The following MS4A1 variants were observed in gnomAD, a reference collection of about 807,000 sequenced individuals.
MS4A1 encodes the protein membrane spanning 4-domains A1, also known as B-lymphocyte antigen CD20.
Under a neutral mutation model 26.5 loss-of-function variants are expected in MS4A1, and 16 were observed. The observed-to-expected ratio is 0.60, with a 90% CI of 0.41 to 0.92. The LOEUF (loss-of-function observed/expected upper bound fraction) is 0.92. MS4A1 is among the 40% of genes least tolerant of loss of function. The pLI is 0.00. For synonymous variants in MS4A1, 128 were observed against 117.6 expected (o/e 1.09, Z -0.57); for missense variants, 350 against 353.0 (o/e 0.99, Z 0.07).
At chr11:60,457,884 C>A (rs1370818054) in intron 1 of MS4A1, among the ~76,000 whole-genome samples, 3 of 152,056 alleles carry the variant, frequency 2.0e-5, no homozygotes, top group African/African-American at 7.3e-5. Context: ...GGGCAGTGGG[C>A]AAGGACATTG....
chr11:60,463,829 G>A (rs2086268587), intron 4 of MS4A1: 1 of 455,384 alleles, frequency 2.2e-6, no homozygotes, highest in Non-Finnish European at 4.4e-6. Context: ...ATGTTTTCAT[G>A]GAGTGCCTGT....
intron 1 of MS4A1, among the ~76,000 whole-genome samples, chr11:60,460,015 G>T (rs1348639481): frequency 3.3e-5 from 5 of 152,044 alleles, no homozygotes; most frequent in African/African-American, 2.4e-5. Context: ...GGAGGTGGAG[G>T]GGGGCAGATT....
In MS4A1 at chr11:60,468,296, A is replaced by T; in HGVS notation, c.722A>T (p.Glu241Val). The change falls in exon 8 of 8, where the codon GAA (glutamate) becomes GTA (valine). Residue 241 changes from glutamate to valine, a missense_variant. Coordinates refer to ENST00000345732, the MANE Select transcript of MS4A1 (RefSeq NM_152866.3). Reference sequence around the variant, plus strand: ...GAAGAAAAAAAAGAACAGACTATTGAAATAAAAGAAGAAGTGGTTGGGCTA... The same window carrying T: ...GAAGAAAAAAAAGAACAGACTATTGTAATAAAAGAAGAAGTGGTTGGGCTA... ...SAEEKKEQTI[E>V]IKEEVVGLTE... 6.2e-7 allele frequency: 1 copy of T among 1,613,912 alleles called. No individual in the cohort carries two copies. Among genetic ancestry groups the T allele is most frequent in the Non-Finnish European group, 8.5e-7 (1 of 1,179,882 alleles).
chr11:60,456,576 A>T (rs1312397808), intron 1 of MS4A1, among the ~76,000 whole-genome samples: 2 of 152,166 alleles, frequency 1.3e-5, no homozygotes, highest in Admixed American at 6.5e-5. Flanking sequence ...AATCTATCAC[A>T]TGGGAAACCA....
At chr11:60,466,308 C>A in intron 6 of MS4A1, 151 bp downstream of exon 6, 1 of 756,878 alleles carries the variant, frequency 1.3e-6, no homozygotes, top group East Asian at 2.4e-5. Flanking sequence ...CACACTGTGC[C>A]TCAATTTCTT....
Position 60,462,637 on chromosome 11 carries a change from G to A in MS4A1, c.159+104G>A, listed in dbSNP as rs1403716231. ...AATTCAATCCAATTTGAAGAATTGGGATCCAACCTGATGTCTTCTTTATGT... is the reference window on the plus strand; with the variant it reads ...AATTCAATCCAATTTGAAGAATTGGAATCCAACCTGATGTCTTCTTTATGT... On this transcript the variant is annotated intron_variant, in intron 3 of 7. Coordinates refer to ENST00000345732, the MANE Select transcript of MS4A1 (RefSeq NM_152866.3). The A allele has an allele frequency of 7.0e-6, 10 of 1,434,850 alleles. No individual in the cohort carries two copies. In the Admixed American group the frequency reaches 1.6e-4, roughly 23 times the overall value. 88.9% of individuals were successfully genotyped at this position (1,434,850 alleles called of 1,614,324 possible).
chr11:60,460,227 CAG>C, intron 1 of MS4A1, among the ~76,000 whole-genome samples: 1 of 152,248 alleles, frequency 6.6e-6, no homozygotes, highest in Non-Finnish European at 1.5e-5. Flanking sequence ...GCCTGGGCGA[CAG>C]AGCGAGGCCC....
intron 4 of MS4A1, 144 bp downstream of exon 4, chr11:60,463,265 G>A (rs1448190366): frequency 4.1e-6 from 5 of 1,228,246 alleles, no homozygotes; most frequent in Non-Finnish European, 5.8e-6. Context: ...AAGAAGACAG[G>A]TTGACCAAAT....
chr11:60,466,897 C>T (rs1371493681), intron 6 of MS4A1, 62 bp from the exon 7 acceptor site: 11 of 1,485,026 alleles, frequency 7.4e-6, no homozygotes, highest in African/African-American at 1.4e-5. Context: ...ACTTACTGAA[C>T]ACCAACAATG....
intron 6 of MS4A1, 94 bp from the exon 7 acceptor site, chr11:60,466,865 C>T (rs570869590): frequency 1.9e-5 from 22 of 1,182,682 alleles, no homozygotes; most frequent in Admixed American, 3.5e-5. Context: ...ATCTCTTAAT[C>T]GTTCAATTAT....
chr11:60,467,277 C>CTTTTTTTT (rs201750543), intron 7 of MS4A1, among the ~76,000 whole-genome samples: 1 of 134,548 alleles, frequency 7.4e-6, no homozygotes, highest in African/African-American at 2.8e-5. Flanking sequence ...TTCTGTGCGT[C>CTTTTTTTT]TTTTTTTTTT....
In MS4A1 at chr11:60,469,718, A is replaced by G. The variant is rs533116106; in HGVS notation, c.*1250A>G. The G allele has an allele frequency of 2.6e-5, 4 of 152,168 alleles. No individual in the cohort carries two copies. The highest frequency in any genetic ancestry group is 5.9e-5 in the Non-Finnish European group (4 of 67,994). The allele number at this position is 152,168 out of a possible 1,614,324, so 9.4% of individuals were successfully genotyped here. ...GACACTCTCAGAATATCATACTTGG[A>G]AACAATGTAATTAAAATGCCGAATC... On this transcript the variant is annotated 3_prime_UTR_variant, in exon 8 of 8. Transcript: ENST00000345732.
rs2135197266 is a variant in MS4A1, at chr11:60,462,450, G to A, written c.76G>A (p.Gly26Ser). 6.2e-7 allele frequency: 1 copy of A among 1,614,166 alleles called. No individual in the cohort carries two copies. The highest frequency in any genetic ancestry group is 1.7e-5 in the Admixed American group (1 of 60,016). Residue 26 changes from glycine to serine, a missense_variant, in exon 3 of 8, where the codon GGT (glycine) becomes AGT (serine). Physicochemically the swap from Gly to Ser is moderately conservative, Grantham distance 56 (BLOSUM62 0). Transcript: ENST00000345732. ...GAAAGGCCCTATTGCTATGCAATCT[G>A]GTCCAAAACCACTCTTCAGGAGGAT... ...PMKGPIAMQS[G>S]PKPLFRRMSS...
At chr11:60,465,290 AT>A (rs2086281943) in intron 5 of MS4A1, among the ~76,000 whole-genome samples, 1 of 152,228 alleles carries the variant, frequency 6.6e-6, no homozygotes, top group Admixed American at 6.5e-5. Context: ...TCACACTGAT[AT>A]TTTCTTACCT....
At chr11:60,466,787 G>C in intron 6 of MS4A1, 172 bp from the exon 7 acceptor site, 3 of 683,922 alleles carry the variant, frequency 4.4e-6, no homozygotes, top group Admixed American at 2.1e-5. Flanking sequence ...TTAAGAGTTA[G>C]GGTTATAAAG....
intron 5 of MS4A1, chr11:60,465,703 T>A: frequency 1.8e-6 from 1 of 554,300 alleles, no homozygotes; most frequent in Non-Finnish European, 3.2e-6. Flanking sequence ...ATAAAACAGA[T>A]GGATGGTGAA....
At chr11:60,465,728 C>A in intron 5 of MS4A1, 193 bp from the exon 6 acceptor site, 1 of 589,762 alleles carries the variant, frequency 1.7e-6, no homozygotes, top group Non-Finnish European at 3.0e-6. Context: ...ATAGGGAAGA[C>A]TGAGAAAAGA....
chr11:60,468,103 G>A lies in MS4A1; in HGVS notation c.676-147G>A. 4 of 678,704 alleles carry A rather than the reference G, an allele frequency of 5.9e-6. No homozygotes were observed. The East Asian group carries it at 8.4e-5, about 14-fold the overall frequency. The allele number at this position is 678,704 out of a possible 1,614,324, so 42.0% of individuals were successfully genotyped here. ...TGACTTGATAAGGATATAAGCACCT[G>A]CAAAAAAATTTTGGCATTTAAAGGC... On this transcript the variant is annotated intron_variant, in intron 7 of 7. Transcript: ENST00000345732.
intron 4 of MS4A1, chr11:60,463,654 T>C (rs933922347): frequency 2.7e-6 from 1 of 374,478 alleles, no homozygotes. Context: ...GTGATGTTTA[T>C]TTCCCCGTGA....
Sources: gnomAD v4.1 joint callset for allele counts (sites outside exome capture counted in the v4.1 genomes callset) on GRCh38, gnomAD v4.1.1 for gene constraint, MANE v1.5 for transcripts, NCBI Gene and HGNC (gene_info 2026-07-23, HGNC 2026-07-21) for gene names.